COL25A1: variants seen among roughly 807,000 people sequenced by gnomAD.
COL25A1 encodes collagen alpha-1(XXV) chain.
A neutral mutation model predicts 128.4 loss-of-function variants in COL25A1; 103 were observed. The ratio of observed to expected loss-of-function variants is 0.80; its 90% confidence interval spans 0.68 to 0.94. The LOEUF is 0.94. Among genes scored for constraint, COL25A1 ranks in the 40% least tolerant of loss-of-function variants. The pLI is 0.00. For missense variants in COL25A1, 745 were observed against 840.0 expected (o/e 0.89, Z 1.40); for synonymous variants, 279 against 277.2 (o/e 1.01, Z -0.06).
At chr4:109,241,035 A>G (rs1391582913) in intron 3 of COL25A1, among the ~76,000 whole-genome samples, 1 of 152,074 alleles carries the variant, frequency 6.6e-6, no homozygotes, top group Non-Finnish European at 1.5e-5. Context: ...ACACTACACA[A>G]TGCCTCTGTC....
rs57643656 is a variant in COL25A1 at position 109,265,518 on chromosome 4, CGTGTGTGTGTGTGTGTGT to C, written c.367+35047_367+35064del. On this transcript the variant is annotated intron_variant, in intron 3 of 37. Coordinates refer to ENST00000399132, the MANE Select transcript of COL25A1 (RefSeq NM_198721.4). The stretch of plus-strand genomic sequence containing the variant: ...GTGTTTTCTTACAGTAATAACAGTA[CGTGTGTGTGTGTGTGTGT>C]GTGTGTGTGTGTGTGTGTGTGTGTG... Among the ~76,000 whole-genome samples the C allele has an allele frequency of 6.1e-3, 791 of 129,700 alleles. 7 individuals carry two copies. The highest frequency in any genetic ancestry group is 0.024 in the Middle Eastern group (6 of 254). 85.1% of individuals were successfully genotyped at this position (129,700 alleles called of 152,430 possible).
At chr4:109,051,396 T>C (rs148129722) in intron 3 of COL25A1, among the ~76,000 whole-genome samples, 425 of 152,204 alleles carry the variant, frequency 2.8e-3, no homozygotes, top group African/African-American at 9.6e-3. Flanking sequence ...ATAAAACCAA[T>C]AGAAAATATT....
chr4:109,121,048 T>A (rs958478432), intron 3 of COL25A1, among the ~76,000 whole-genome samples: 2 of 152,040 alleles, frequency 1.3e-5, no homozygotes, highest in African/African-American at 4.8e-5. Context: ...ATAGATTCAA[T>A]GCAATCCCAA....
intron 11 of COL25A1, among the ~76,000 whole-genome samples, chr4:108,930,186 A>T (rs1746559321): frequency 6.6e-6 from 1 of 152,044 alleles, no homozygotes; most frequent in Admixed American, 6.6e-5. Flanking sequence ...TTAAGGTTCC[A>T]CTCAGACACA....
chr4:108,977,564 G>A (rs1267256848), intron 6 of COL25A1, among the ~76,000 whole-genome samples: 1 of 152,114 alleles, frequency 6.6e-6, no homozygotes, highest in African/African-American at 2.4e-5. Flanking sequence ...GAGAGGATAT[G>A]ACCAAATTTA....
chr4:108,960,033 A>T (rs10516553), intron 8 of COL25A1, among the ~76,000 whole-genome samples: 45,415 of 152,006 alleles, frequency 0.3, 7,338 homozygotes, highest in South Asian at 0.44. Context: ...GAACTTATTT[A>T]AAAAGGCAGC....
intron 3 of COL25A1, among the ~76,000 whole-genome samples, chr4:109,104,398 A>ATCTCTC (rs757837465): frequency 1.2e-4 from 5 of 43,190 alleles, no homozygotes; most frequent in East Asian, 9.4e-4. Context: ...TAAAAAGGAA[A>ATCTCTC]TCACTCTCTC....
intron 3 of COL25A1, among the ~76,000 whole-genome samples, chr4:109,120,396 AAAC>A (rs1386009686): frequency 2.0e-5 from 3 of 152,162 alleles, no homozygotes; most frequent in Non-Finnish European, 4.4e-5. Context: ...AATAAACAAA[AAAC>A]AACTCTCTCA....
chr4:109,249,704 A>T (rs1459380506), intron 3 of COL25A1, among the ~76,000 whole-genome samples: 1 of 152,184 alleles, frequency 6.6e-6, no homozygotes, highest in Non-Finnish European at 1.5e-5. Flanking sequence ...AACTGTTTTT[A>T]GGTATTTATA....
At chr4:109,026,139 T>C (rs920695153) in intron 5 of COL25A1, among the ~76,000 whole-genome samples, 9 of 130,516 alleles carry the variant, frequency 6.9e-5, no homozygotes, top group East Asian at 2.3e-4. Flanking sequence ...CACACACATA[T>C]ACTCTTAAAT....
chr4:109,015,275 C>T (rs191681157), intron 5 of COL25A1, among the ~76,000 whole-genome samples: 32 of 152,294 alleles, frequency 2.1e-4, no homozygotes, highest in Admixed American at 6.5e-5. Context: ...TAGTATTGTT[C>T]TAGTCTATTG....
intron 3 of COL25A1, among the ~76,000 whole-genome samples, chr4:109,260,096 T>C (rs549723498): frequency 1.2e-4 from 19 of 152,350 alleles, no homozygotes; most frequent in Admixed American, 6.5e-5. Flanking sequence ...AAAACTGTCC[T>C]TAGTTTAACC....
intron 8 of COL25A1, among the ~76,000 whole-genome samples, chr4:108,960,938 G>GCA (rs60596803): frequency 0.3 from 46,065 of 151,864 alleles, 7,535 homozygotes; most frequent in South Asian, 0.46. Context: ...AGGTATGCAA[G>GCA]GTAGCACTAA....
chr4:109,240,717 A>C lies in COL25A1; in HGVS notation c.367+59866T>G, dbSNP rs566115017. 2.0e-5 allele frequency among the ~76,000 whole-genome samples: 3 copies of C among 152,190 alleles called. 1 individual carries two copies. In the East Asian group the frequency reaches 5.8e-4, roughly 29 times the overall value. ...CACTGACAGAAAGACCTGAGTTCAA[A>C]CGCTGATGCTGTCACTTGGGCTAGT... On this transcript the variant is annotated intron_variant, in intron 3 of 37. Transcript: ENST00000399132.
chr4:109,253,191 G>A (rs891013829), intron 3 of COL25A1, among the ~76,000 whole-genome samples: 2 of 152,156 alleles, frequency 1.3e-5, no homozygotes, highest in African/African-American at 4.8e-5. Flanking sequence ...GGATTCTTCT[G>A]AGAAACAGAG....
At chr4:109,235,083 C>T (rs1258601177) in intron 3 of COL25A1, among the ~76,000 whole-genome samples, 1 of 152,036 alleles carries the variant, frequency 6.6e-6, no homozygotes, top group Non-Finnish European at 1.5e-5. Context: ...TGGAGCTCCT[C>T]CCAAAAGCTC....
chr4:109,088,387 T>C (rs1350310816), intron 3 of COL25A1, among the ~76,000 whole-genome samples: 2 of 152,220 alleles, frequency 1.3e-5, no homozygotes, highest in South Asian at 2.1e-4. Flanking sequence ...ATCTTTTGTT[T>C]TGTTTTCAAA....
intron 3 of COL25A1, among the ~76,000 whole-genome samples, chr4:109,217,634 T>C (rs1051067401): frequency 2.0e-5 from 3 of 152,016 alleles, no homozygotes; most frequent in Non-Finnish European, 4.4e-5. Flanking sequence ...TCAGTAAGTG[T>C]GAGGGATTGG....
rs562006604 is a variant in COL25A1, at chr4:109,244,479, G to A, written c.367+56104C>T. 1.1e-4 allele frequency among the ~76,000 whole-genome samples: 17 copies of A among 152,168 alleles called. No individual in the cohort carries two copies. The East Asian group carries it at 3.1e-3, about 28-fold the overall frequency. On this transcript the variant is annotated intron_variant, in intron 3 of 37. Coordinates refer to ENST00000399132, the MANE Select transcript of COL25A1 (RefSeq NM_198721.4). The stretch of plus-strand genomic sequence containing the variant: ...CAACAATTTTAAGCAACTTTGCAAA[G>A]TGAATAAAAAGGAGTTGAAGCATCT...
Sources: allele counts gnomAD v4.1 joint callset (sites outside exome capture counted in the v4.1 genomes callset), GRCh38; gene constraint gnomAD v4.1.1; transcripts MANE v1.5; gene names NCBI Gene and HGNC (gene_info 2026-07-23, HGNC 2026-07-21).